Variants in SNTB2 observed in about 807,000 individuals in gnomAD.
SNTB2 encodes the protein beta-2-syntrophin.
Under a neutral mutation model 46.2 loss-of-function variants are expected in SNTB2, and 34 were observed. That is an observed-to-expected ratio of 0.74 (90% CI 0.56 to 0.98). The LOEUF (loss-of-function observed/expected upper bound fraction) is 0.98. SNTB2 is among the 50% of genes least tolerant of loss of function. SNTB2 has a pLI of 0.00. For synonymous variants in SNTB2, 290 were observed against 312.6 expected (o/e 0.93, Z 0.76); for missense variants, 603 against 731.4 (o/e 0.82, Z 2.02).
chr16:69,246,066 G>A (rs936198339), intron 2 of SNTB2, among the ~76,000 whole-genome samples: 1 of 152,056 alleles, frequency 6.6e-6, no homozygotes, highest in Non-Finnish European at 1.5e-5. Context: ...AGACTAAAGG[G>A]GTGAAAGAAA....
intron 2 of SNTB2, among the ~76,000 whole-genome samples, chr16:69,255,128 C>T (rs1436452095): frequency 1.3e-5 from 2 of 151,916 alleles, no homozygotes; most frequent in African/African-American, 4.8e-5. Flanking sequence ...GACAGGATCT[C>T]GCTCTGTCAC....
At chr16:69,295,067 T>G (rs1965209508) in intron 5 of SNTB2, among the ~76,000 whole-genome samples, 1 of 151,834 alleles carries the variant, frequency 6.6e-6, no homozygotes, top group Non-Finnish European at 1.5e-5. Flanking sequence ...GCAATCCACC[T>G]GCCTCGGCCT....
chr16:69,305,147 C>T lies in SNTB2; in HGVS notation c.*4223C>T, dbSNP rs1009676098. On this transcript the variant is annotated 3_prime_UTR_variant, in exon 7 of 7. Transcript: ENST00000336278. ...CAGGTCTTCTTGCTTAACTTATATGCATGTGGATATATTTGTTTTCAAAGC... is the reference window on the plus strand; with the variant it reads ...CAGGTCTTCTTGCTTAACTTATATGTATGTGGATATATTTGTTTTCAAAGC... The T allele has an allele frequency of 2.6e-5, 4 of 152,436 alleles. No individual in the cohort carries two copies. Among genetic ancestry groups the T allele is most frequent in the Non-Finnish European group, 5.9e-5 (4 of 68,014 alleles). 9.4% of individuals were successfully genotyped at this position (152,436 alleles called of 1,614,324 possible). A position where few individuals can be genotyped will look rare whatever the true frequency, so the allele number is the denominator to read the frequency against.
Position 69,300,929 on chromosome 16 carries a change from C to A in SNTB2, c.*5C>A. ...CGTATGGGACTGCTTGTATGAGCAA[C>A]AAAAAATCAGAAAAGAGCCTTGACT... is the stretch of plus-strand genomic sequence containing the variant. On this transcript the variant is annotated 3_prime_UTR_variant, in exon 7 of 7. Transcript: ENST00000336278. The A allele has an allele frequency of 1.3e-6, 2 of 1,553,606 alleles. No homozygotes were observed. Among genetic ancestry groups the A allele is most frequent in the Non-Finnish European group, 1.8e-6 (2 of 1,129,698 alleles).
chr16:69,242,683 T>A (rs1334305366), intron 1 of SNTB2, among the ~76,000 whole-genome samples: 1 of 152,106 alleles, frequency 6.6e-6, no homozygotes, highest in Non-Finnish European at 1.5e-5. Context: ...GGGATCACAG[T>A]AATGCTTTTG....
chr16:69,300,261 TC>T (rs1965266255), intron 6 of SNTB2, among the ~76,000 whole-genome samples: 2 of 151,814 alleles, frequency 1.3e-5, no homozygotes, highest in South Asian at 4.2e-4. Flanking sequence ...CTTTTTTTTT[TC>T]TTTTTTGAGA....
intron 1 of SNTB2, among the ~76,000 whole-genome samples, chr16:69,223,883 G>C (rs1451278413): frequency 6.6e-6 from 1 of 152,160 alleles, no homozygotes; most frequent in African/African-American, 2.4e-5. Context: ...ACCCGCCTCA[G>C]CCTCCCGAAG....
intron 1 of SNTB2, among the ~76,000 whole-genome samples, chr16:69,206,706 A>G (rs1034613794): frequency 2.0e-5 from 3 of 151,700 alleles, no homozygotes; most frequent in Non-Finnish European, 2.9e-5. Flanking sequence ...AGAAAAAAAA[A>G]AAAAGAAAAT....
chr16:69,253,128 T>A (rs1178478885), intron 2 of SNTB2, among the ~76,000 whole-genome samples: 1 of 151,424 alleles, frequency 6.6e-6, no homozygotes, highest in Non-Finnish European at 1.5e-5. Flanking sequence ...CTCGATCTCC[T>A]GACCTCGTGA....
chr16:69,262,720 A>G (rs1464685614), intron 3 of SNTB2, among the ~76,000 whole-genome samples: 2 of 152,084 alleles, frequency 1.3e-5, no homozygotes, highest in Non-Finnish European at 2.9e-5. Context: ...TCTGTCGCCC[A>G]GGCTGGAGTG....
chr16:69,188,128 C>T (rs919348448), intron 1 of SNTB2, among the ~76,000 whole-genome samples: 1 of 149,440 alleles, frequency 6.7e-6, no homozygotes, highest in East Asian at 2.0e-4. Flanking sequence ...CTCCTCGGGG[C>T]GGGCGGGTCT....
chr16:69,219,552 T>C (rs927409501), intron 1 of SNTB2, among the ~76,000 whole-genome samples: 3 of 152,180 alleles, frequency 2.0e-5, no homozygotes, highest in East Asian at 1.9e-4. Context: ...CTCAAGTCCA[T>C]GCTATGAGTC....
At chr16:69,275,820 A>AG (rs1281158931) in intron 4 of SNTB2, among the ~76,000 whole-genome samples, 1 of 152,250 alleles carries the variant, frequency 6.6e-6, no homozygotes, top group Non-Finnish European at 1.5e-5. Context: ...AAAGAAATTA[A>AG]GGACCTTTAT....
chr16:69,236,818 G>A (rs1436573120), intron 1 of SNTB2, among the ~76,000 whole-genome samples: 3 of 152,128 alleles, frequency 2.0e-5, no homozygotes, highest in Non-Finnish European at 2.9e-5. Flanking sequence ...TAGATGTAGC[G>A]GGTAGGGACA....
At chr16:69,270,843 C>G (rs1480416414) in intron 4 of SNTB2, among the ~76,000 whole-genome samples, 1 of 152,172 alleles carries the variant, frequency 6.6e-6, no homozygotes, top group Non-Finnish European at 1.5e-5. Context: ...GAAATTTAGA[C>G]TTGGGAGCCA....
In SNTB2 at chr16:69,207,142, TTTTC is replaced by T. The variant is rs71383973; in HGVS notation, c.580+19408_580+19411del. Among the ~76,000 whole-genome samples, 132 of 142,248 alleles carry T rather than the reference TTTTC, an allele frequency of 9.3e-4. 1 individual carries two copies. The highest frequency in any genetic ancestry group is 1.6e-3 in the Non-Finnish European group (105 of 66,750). The allele number at this position is 142,248 out of a possible 152,430, so 93.3% of individuals were successfully genotyped here. A position where few individuals can be genotyped will look rare whatever the true frequency, so the allele number is the denominator to read the frequency against. On this transcript the variant is annotated intron_variant, in intron 1 of 6. Transcript: ENST00000336278. ...AAGTATAGATTTTCCTTTTCTTTTCTTTTCTTTCTTTCTTTTTTTTTTTTTTTTG... is the reference window on the plus strand; with the variant it reads ...AAGTATAGATTTTCCTTTTCTTTTCTTTTCTTTCTTTTTTTTTTTTTTTTG...
In SNTB2 at chr16:69,302,045, G is replaced by C. The variant is rs76091845; in HGVS notation, c.*1121G>C. The stretch of plus-strand genomic sequence containing the variant: ...GTTTTGGGCTGCCCAAAAACAACAG[G>C]ATGCAGCATCCTGGCTGTGGCCTGG... On this transcript the variant is annotated 3_prime_UTR_variant, in exon 7 of 7. Coordinates refer to ENST00000336278, the MANE Select transcript of SNTB2 (RefSeq NM_006750.4). 0.051 allele frequency: 7,762 copies of C among 152,238 alleles called. 333 individuals are homozygous for C. The highest frequency in any genetic ancestry group is 0.066 in the Non-Finnish European group (4,491 of 68,014). The allele number at this position is 152,238 out of a possible 1,614,324, so 9.4% of individuals were successfully genotyped here.
intron 1 of SNTB2, among the ~76,000 whole-genome samples, chr16:69,216,091 A>G (rs138718088): frequency 0.013 from 1,967 of 152,336 alleles, 19 homozygotes; most frequent in Middle Eastern, 0.031. Context: ...ACAGGGATTA[A>G]CAGACAGGAG....
chr16:69,284,085 C>T lies in SNTB2; in HGVS notation c.1186C>T (p.Leu396Phe), dbSNP rs770127255. 3 of 1,613,646 alleles carry T rather than the reference C, an allele frequency of 1.9e-6. No individual in the cohort carries two copies. The African/African-American group carries it at 4.0e-5, about 22-fold the overall frequency. ...HSGSGCRSPS[L>F]GSDLTFATRT... ...TGGCTCCGGATGTCGATCCCCCTCC[C>T]TTGGATCTGACCTTACATTTGCTAC... The change falls in exon 5 of 7, where the codon CTT (leucine) becomes TTT (phenylalanine). Residue 396 changes from leucine to phenylalanine, a missense_variant. By Grantham distance (22) the Leu-to-Phe change is conservative. Transcript: ENST00000336278.
Sources: allele counts gnomAD v4.1 joint callset (sites outside exome capture counted in the v4.1 genomes callset), GRCh38; gene constraint gnomAD v4.1.1; transcripts MANE v1.5; gene names NCBI Gene and HGNC (gene_info 2026-07-23, HGNC 2026-07-21).